Variants in DRC8 observed in about 807,000 individuals in gnomAD.
The protein encoded by DRC8 is dynein regulatory complex subunit 8, also known as dynein regulatory complex protein 8.
chr1:244,970,035 G>GT, the DRC8 span: 1 of 608,148 alleles, frequency 1.6e-6, no homozygotes, highest in Non-Finnish European at 2.9e-6. Flanking sequence ...GGACAGGAGG[G>GT]GGCGAGGGGT....
the DRC8 span, among the ~76,000 whole-genome samples, chr1:245,045,738 G>C: frequency 1.3e-5 from 2 of 151,390 alleles, no homozygotes; most frequent in Admixed American, 1.3e-4. Context: ...GACTTGGCAG[G>C]CCATTAGTCT....
the DRC8 span, chr1:245,124,137 A>G: frequency 5.0e-6 from 1 of 198,658 alleles, no homozygotes; most frequent in East Asian, 1.3e-4. Flanking sequence ...AAGCTTTCAG[A>G]GCCCTTCATC....
At chr1:245,006,219 A>G in the DRC8 span, among the ~76,000 whole-genome samples, 2 of 152,202 alleles carry the variant, frequency 1.3e-5, no homozygotes, top group Non-Finnish European at 2.9e-5. Context: ...TTATGGTTTG[A>G]TGGGTGGAAT....
At chr1:244,975,120 T>C in the DRC8 span, among the ~76,000 whole-genome samples, 42 of 152,034 alleles carry the variant, frequency 2.8e-4, no homozygotes, top group African/African-American at 7.7e-4. Flanking sequence ...TTAGTAGTGA[T>C]GGGGTTTCAC....
the DRC8 span, among the ~76,000 whole-genome samples, chr1:245,035,799 G>A: frequency 6.6e-6 from 1 of 150,488 alleles, no homozygotes; most frequent in Admixed American, 6.6e-5. Flanking sequence ...CCTGGAAGGC[G>A]GGGGTTGCAG....
the DRC8 span, chr1:244,971,110 G>A: frequency 6.5e-6 from 1 of 152,906 alleles, no homozygotes; most frequent in Admixed American, 6.5e-5. Context: ...AGGACGGTCT[G>A]GAGGTCACAG....
chr1:245,062,054 T>G, the DRC8 span, among the ~76,000 whole-genome samples: 1 of 152,146 alleles, frequency 6.6e-6, no homozygotes, highest in African/African-American at 2.4e-5. Context: ...TGCAATGAGC[T>G]GAGGTCATAC....
chr1:244,985,128 G>T, the DRC8 span, among the ~76,000 whole-genome samples: 6 of 134,992 alleles, frequency 4.4e-5, no homozygotes, highest in African/African-American at 1.7e-4. Context: ...CACCATTCAC[G>T]CATTCTACAC....
At chr1:244,979,078 A>T in the DRC8 span, among the ~76,000 whole-genome samples, 2 of 150,306 alleles carry the variant, frequency 1.3e-5, no homozygotes, top group African/African-American at 4.9e-5. Context: ...GCCCCTTTTT[A>T]TTCCCTCTCA....
chr1:245,034,125 A>G, the DRC8 span, among the ~76,000 whole-genome samples: 1 of 152,176 alleles, frequency 6.6e-6, no homozygotes, highest in African/African-American at 2.4e-5. Flanking sequence ...TTTCATCTCC[A>G]TCCTTCTTTT....
chr1:245,053,669 C>G, the DRC8 span, among the ~76,000 whole-genome samples: 670 of 152,264 alleles, frequency 4.4e-3, 1 homozygote, highest in African/African-American at 0.015. Flanking sequence ...TATCATCAGG[C>G]CTTTGTGATT....
the DRC8 span, among the ~76,000 whole-genome samples, chr1:245,067,748 G>A: frequency 1.3e-5 from 2 of 152,160 alleles, no homozygotes; most frequent in African/African-American, 4.8e-5. Flanking sequence ...TGAGCTTCTG[G>A]AAGAGCCCTG....
chr1:245,031,240 C>T, the DRC8 span, among the ~76,000 whole-genome samples: 1 of 152,026 alleles, frequency 6.6e-6, no homozygotes, highest in African/African-American at 2.4e-5. Context: ...TGGTGGTCGG[C>T]TGTGGTGGAG....
the DRC8 span, among the ~76,000 whole-genome samples, chr1:245,069,394 T>G: frequency 6.6e-6 from 1 of 152,290 alleles, no homozygotes; most frequent in South Asian, 2.1e-4. Flanking sequence ...CTCATTGTCT[T>G]CACACTGAGT....
the DRC8 span, among the ~76,000 whole-genome samples, chr1:244,976,573 A>T: frequency 6.6e-6 from 1 of 152,220 alleles, no homozygotes. Flanking sequence ...TTAAAGATCA[A>T]ATGGACAGTG....
chr1:245,017,084 C>T, the DRC8 span, among the ~76,000 whole-genome samples: 1 of 152,198 alleles, frequency 6.6e-6, no homozygotes, highest in East Asian at 1.9e-4. Flanking sequence ...TATCCTTTGA[C>T]ATCTCCAGAG....
the DRC8 span, among the ~76,000 whole-genome samples, chr1:245,065,162 A>G: frequency 4.1e-5 from 6 of 145,602 alleles, no homozygotes; most frequent in African/African-American, 1.5e-4. Flanking sequence ...CCTGACCTCA[A>G]ATGATCTACC....
chr1:245,082,786 C>T, the DRC8 span, among the ~76,000 whole-genome samples: 1 of 152,074 alleles, frequency 6.6e-6, no homozygotes, highest in South Asian at 2.1e-4. Flanking sequence ...CTCACTGCAA[C>T]CTCCACCTCC....
the DRC8 span, among the ~76,000 whole-genome samples, chr1:245,097,317 T>G: frequency 1.3e-5 from 2 of 152,116 alleles, no homozygotes; most frequent in African/African-American, 4.8e-5. This position sits in a 1 kb window ranked among gnomAD's most constrained non-coding sequence, Gnocchi z 5.0. Context: ...GGTCAGGAGT[T>G]CGAGACCAGC....
Sources: gnomAD v4.1 joint callset for allele counts (sites outside exome capture counted in the v4.1 genomes callset) on GRCh38, gnomAD v4.1.1 for gene constraint, Gnocchi (gnomAD v3.1) non-coding constraint, MANE v1.5 for transcripts, NCBI Gene and HGNC (gene_info 2026-07-23, HGNC 2026-07-21) for gene names.